The following TCF12 variants were observed in gnomAD, a reference collection of about 807,000 sequenced individuals.
TCF12 encodes the protein DNA-binding protein HTF4.
In TCF12, 45 loss-of-function variants were observed where a neutral mutation model predicts 86.0. That is an observed-to-expected ratio of 0.52 (90% CI 0.41 to 0.67). The LOEUF is 0.67. Ranked by LOEUF, TCF12 falls within the 30% of genes least tolerant of loss-of-function variation. The probability of loss-of-function intolerance (pLI) is 0.00; values close to 1 mark genes in which losing one functional copy is unlikely to be tolerated. For synonymous variants in TCF12, 330 were observed against 299.6 expected (o/e 1.10, Z -1.05); for missense variants, 881 against 859.9 (o/e 1.02, Z -0.31).
chr15:56,924,261 A>G (rs780692025), intron 3 of TCF12, among the ~76,000 whole-genome samples: 3 of 152,200 alleles, frequency 2.0e-5, no homozygotes, highest in Non-Finnish European at 4.4e-5. Context: ...TGATAGTGAT[A>G]CAGTCAAGAT....
At chr15:57,098,391 T>C (rs2049491022) in intron 5 of TCF12, among the ~76,000 whole-genome samples, 1 of 152,176 alleles carries the variant, frequency 6.6e-6, no homozygotes, top group African/African-American at 2.4e-5. Context: ...TCAACTCTCA[T>C]TAACCAGTCT....
intron 3 of TCF12, among the ~76,000 whole-genome samples, chr15:56,988,761 T>A (rs1431809982): frequency 6.6e-6 from 1 of 152,196 alleles, no homozygotes; most frequent in Non-Finnish European, 1.5e-5. Flanking sequence ...AAAGTCCAGA[T>A]CAGCAACTCT....
intron 3 of TCF12, among the ~76,000 whole-genome samples, chr15:56,973,703 T>C (rs1424990537): frequency 6.6e-6 from 1 of 152,090 alleles, no homozygotes; most frequent in African/African-American, 2.4e-5. Context: ...CATAGATAGA[T>C]TGAAGATACT....
chr15:57,186,811 T>G (rs2056690553), intron 6 of TCF12, among the ~76,000 whole-genome samples: 2 of 152,058 alleles, frequency 1.3e-5, no homozygotes, highest in African/African-American at 4.8e-5. Flanking sequence ...CCTATGAAAA[T>G]TAGGCTGTGT....
chr15:57,053,895 A>G (rs2067806848), intron 3 of TCF12, among the ~76,000 whole-genome samples: 1 of 152,204 alleles, frequency 6.6e-6, no homozygotes, highest in Admixed American at 6.5e-5. Context: ...TTTATCCTGT[A>G]AACAAATGTT....
chr15:57,033,098 G>T (rs997883104), intron 3 of TCF12, among the ~76,000 whole-genome samples: 1 of 151,974 alleles, frequency 6.6e-6, no homozygotes, highest in Non-Finnish European at 1.5e-5. Context: ...AGTGAATAAA[G>T]ATAGGTCAAT....
intron 4 of TCF12, among the ~76,000 whole-genome samples, chr15:57,069,029 T>C (rs1468443751): frequency 2.0e-5 from 3 of 152,222 alleles, no homozygotes; most frequent in Admixed American, 6.5e-5. Flanking sequence ...TATATGAGTT[T>C]GTGGAAATGT....
intron 8 of TCF12, among the ~76,000 whole-genome samples, chr15:57,211,681 T>C (rs1438348632): frequency 6.6e-6 from 1 of 152,226 alleles, no homozygotes; most frequent in Non-Finnish European, 1.5e-5. Context: ...AGGCTGGGCA[T>C]GGTGGCCCAT....
chr15:57,122,294 T>G (rs1340993519), intron 5 of TCF12, among the ~76,000 whole-genome samples: 1 of 152,062 alleles, frequency 6.6e-6, no homozygotes, highest in African/African-American at 2.4e-5. Flanking sequence ...TTAGGAGAGA[T>G]GCATGTTTGA....
chr15:57,066,785 C>G (rs1042658221), intron 4 of TCF12, among the ~76,000 whole-genome samples: 1 of 152,244 alleles, frequency 6.6e-6, no homozygotes, highest in Admixed American at 6.5e-5. Context: ...TAATATGAAA[C>G]CATATTTGGC....
chr15:57,115,008 G>A lies in TCF12; in HGVS notation c.325+23117G>A, dbSNP rs542522085. 4.6e-5 allele frequency among the ~76,000 whole-genome samples: 7 copies of A among 152,210 alleles called. No homozygotes were observed. The South Asian group carries it at 1.2e-3, about 27-fold the overall frequency. On this transcript the variant is annotated intron_variant, in intron 5 of 20. Transcript: ENST00000333725. ...TCTCTGTTTATGTTGCATGATAGCA[G>A]TTTTAAACAATTCTCAAACAATTAA...
chr15:57,093,401 T>C (rs1375131093), intron 5 of TCF12, among the ~76,000 whole-genome samples: 4 of 152,184 alleles, frequency 2.6e-5, no homozygotes, highest in African/African-American at 9.7e-5. Context: ...TAAACTAAGC[T>C]TTCTTAATTG....
chr15:57,239,304 T>C (rs918035073), intron 12 of TCF12, among the ~76,000 whole-genome samples: 1 of 151,792 alleles, frequency 6.6e-6, no homozygotes. Flanking sequence ...TGAGCTGAGA[T>C]TGCACCACTG....
chr15:57,025,515 A>C (rs191685033), intron 3 of TCF12, among the ~76,000 whole-genome samples: 1 of 152,280 alleles, frequency 6.6e-6, no homozygotes, highest in East Asian at 1.9e-4. Flanking sequence ...TTTCAGTTAG[A>C]ATAATCCTCA....
Position 56,920,000 on chromosome 15 carries a change from T to A in TCF12, c.75+12T>A, listed in dbSNP as rs1228384649. The A allele has an allele frequency of 1.2e-6, 2 of 1,613,834 alleles. No homozygotes were observed. The highest frequency in any genetic ancestry group is 1.3e-5 in the African/African-American group (1 of 74,994). Reference sequence around the variant, plus strand: ...TGGACTTCAGTGCGGTATGAGAGCTTTCCATGGCATCTTGGGGTTCTGCTG... The same window carrying A: ...TGGACTTCAGTGCGGTATGAGAGCTATCCATGGCATCTTGGGGTTCTGCTG... On this transcript the variant is annotated intron_variant, in intron 2 of 20. Transcript: ENST00000333725.
chr15:57,051,625 A>G (rs903431350), intron 3 of TCF12, among the ~76,000 whole-genome samples: 7 of 151,968 alleles, frequency 4.6e-5, no homozygotes, highest in South Asian at 2.1e-4. Flanking sequence ...CGCCCAGCCT[A>G]TTTTCTGACT....
At chr15:57,273,392 G>A in intron 19 of TCF12, 130 bp downstream of exon 19, 4 of 960,310 alleles carry the variant, frequency 4.2e-6, no homozygotes, top group African/African-American at 1.7e-5. Flanking sequence ...GTATCATCAG[G>A]GTCGTTTTTC....
chr15:56,938,033 T>G (rs1386967838), intron 3 of TCF12, among the ~76,000 whole-genome samples: 1 of 143,152 alleles, frequency 7.0e-6, no homozygotes, highest in East Asian at 2.1e-4. Context: ...CTTTTTTTTT[T>G]TCGTTTCTTT....
At chr15:57,123,182 A>G (rs1479644263) in intron 5 of TCF12, among the ~76,000 whole-genome samples, 4 of 152,212 alleles carry the variant, frequency 2.6e-5, no homozygotes, top group Non-Finnish European at 1.5e-5. Context: ...TTGCTTTTAC[A>G]TGGCTTTGAT....
Sources: allele counts gnomAD v4.1 joint callset (sites outside exome capture counted in the v4.1 genomes callset), GRCh38; gene constraint gnomAD v4.1.1; transcripts MANE v1.5; gene names NCBI Gene and HGNC (gene_info 2026-07-23, HGNC 2026-07-21).